Variants in KPNA6 observed in about 807,000 individuals in gnomAD.
KPNA6 encodes importin subunit alpha-7.
A neutral mutation model predicts 72.0 loss-of-function variants in KPNA6; 9 were observed. The ratio of observed to expected loss-of-function variants is 0.13; its 90% CI spans 0.08 to 0.22. KPNA6 has a LOEUF of 0.22. Ranked by LOEUF, KPNA6 falls within the 10% of genes least tolerant of loss-of-function variation. KPNA6 has a pLI of 1.00. For synonymous variants in KPNA6, 219 were observed against 242.1 expected, an observed-to-expected ratio of 0.90 and a Z score of 0.89; for missense variants, 374 against 655.7, an observed-to-expected ratio of 0.57 and a Z score of 4.69.
At chr1:32,116,126 C>A (rs1641323938) in intron 1 of KPNA6, among the ~76,000 whole-genome samples, 1 of 151,674 alleles carries the variant, frequency 6.6e-6, no homozygotes, top group African/African-American at 2.4e-5. Context: ...CTGATTTGAT[C>A]TTCTGTCAAA....
At chr1:32,115,997 G>A (rs1044275788) in intron 1 of KPNA6, among the ~76,000 whole-genome samples, 3 of 152,068 alleles carry the variant, frequency 2.0e-5, no homozygotes, top group Non-Finnish European at 4.4e-5. Context: ...ACCTGCCTCA[G>A]CCTCCCAAAG....
In KPNA6 at chr1:32,162,474, C is replaced by T. The variant is rs1166809250; in HGVS notation, c.861C>T (p.Ile287=). The change falls in exon 9 of 14, where the codon ATC becomes ATT. Residue 287 remains isoleucine (I), a synonymous_variant. Transcript: ENST00000373625. ...SYLSDGPNEK[I]QAVIDSGVCR... The stretch of plus-strand genomic sequence containing the variant: ...TGTCTGATGGCCCCAATGAGAAGAT[C>T]CAGGCAGTCATAGACTCCGGAGTCT... 6.2e-7 allele frequency: 1 copy of T among 1,613,984 alleles called. No individual in the cohort carries two copies. The highest frequency in any genetic ancestry group is 1.3e-5 in the African/African-American group (1 of 74,888).
intron 1 of KPNA6, chr1:32,143,061 A>C: frequency 8.7e-7 from 1 of 1,148,542 alleles, no homozygotes. Flanking sequence ...CTGCCTTCAG[A>C]AATCTGTTGT....
At chr1:32,163,132 G>T in intron 9 of KPNA6, 103 bp from the exon 10 acceptor site, 1 of 714,984 alleles carries the variant, frequency 1.4e-6, no homozygotes, top group Non-Finnish European at 2.5e-6. Flanking sequence ...AAAAAAAAAG[G>T]GTACAGGTTC....
chr1:32,112,587 G>C (rs1163524157), intron 1 of KPNA6, among the ~76,000 whole-genome samples: 1 of 151,986 alleles, frequency 6.6e-6, no homozygotes, highest in Admixed American at 6.6e-5. Context: ...CCGCTTCCTG[G>C]GTTCAAACCA....
intron 1 of KPNA6, among the ~76,000 whole-genome samples, chr1:32,125,697 A>G (rs1320170859): frequency 2.0e-5 from 3 of 152,152 alleles, no homozygotes; most frequent in African/African-American, 7.2e-5. Flanking sequence ...TTTGGGTATG[A>G]TATTGCCCCC....
Position 32,108,127 on chromosome 1 carries a change from C to A in KPNA6, c.-4C>A, listed in dbSNP as rs765467657. 10 of 1,613,918 alleles carry A rather than the reference C, an allele frequency of 6.2e-6. No homozygotes were observed. Among genetic ancestry groups the A allele is most frequent in the Non-Finnish European group, 2.5e-6 (3 of 1,179,968 alleles). On this transcript the variant is annotated 5_prime_UTR_variant, in exon 1 of 14. Coordinates refer to ENST00000373625, the MANE Select transcript of KPNA6 (RefSeq NM_012316.5). ...GCCGCCAAGAGTGAGCGAGCGGACC[C>A]GCGATGGGTGAGTGAGGAAACCACG...
At chr1:32,111,444 C>G (rs537467737) in intron 1 of KPNA6, among the ~76,000 whole-genome samples, 3 of 152,312 alleles carry the variant, frequency 2.0e-5, no homozygotes, top group African/African-American at 7.2e-5. Flanking sequence ...AGGTAACTTC[C>G]TCTTTCCAGC....
At chr1:32,118,370 G>A (rs2124523604) in intron 1 of KPNA6, among the ~76,000 whole-genome samples, 1 of 148,700 alleles carries the variant, frequency 6.7e-6, no homozygotes, top group East Asian at 2.0e-4. Flanking sequence ...ATGGAGTCTC[G>A]CTTTTTCTCC....
chr1:32,143,278 C>A (rs114783941), intron 1 of KPNA6, among the ~76,000 whole-genome samples: 3,806 of 152,108 alleles, frequency 0.025, 101 homozygotes, highest in Admixed American at 0.076. Flanking sequence ...ATTGCTCAGG[C>A]TGCTCTTGAA....
chr1:32,109,605 T>G (rs1641208654), intron 1 of KPNA6, among the ~76,000 whole-genome samples: 2 of 151,950 alleles, frequency 1.3e-5, no homozygotes, highest in South Asian at 4.2e-4. Flanking sequence ...TTATTTTGTT[T>G]TGTTTTGCTT....
rs67312157 is a variant in KPNA6 at position 32,128,387 on chromosome 1, T to TTATATATATATATATATATATATATATA, written c.4+20266_4+20293dup. On this transcript the variant is annotated intron_variant, in intron 1 of 13. Transcript: ENST00000373625. The stretch of plus-strand genomic sequence containing the variant: ...TATATTTTTTATATTATATATGTAT[T>TTATATATATATATATATATATATATATA]TATATATATATATATATATATATAT... 5.5e-5 allele frequency among the ~76,000 whole-genome samples: 4 copies of TTATATATATATATATATATATATATATA among 72,168 alleles called. 1 individual carries two copies. Among genetic ancestry groups the TTATATATATATATATATATATATATATA allele is most frequent in the Non-Finnish European group, 1.1e-4 (4 of 35,954 alleles). 47.3% of individuals were successfully genotyped at this position (72,168 alleles called of 152,430 possible). A position where few individuals can be genotyped will look rare whatever the true frequency, so the allele number is the denominator to read the frequency against.
At chr1:32,154,493 T>G (rs114377587) in intron 1 of KPNA6, 95 bp from the exon 2 acceptor site, 1 of 1,320,852 alleles carries the variant, frequency 7.6e-7, no homozygotes, top group African/African-American at 1.5e-5. Flanking sequence ...CCCCCCAGAG[T>G]AGGGGAGGGT....
chr1:32,165,274 T>G (rs1488973511), intron 10 of KPNA6, among the ~76,000 whole-genome samples: 1 of 152,052 alleles, frequency 6.6e-6, no homozygotes, highest in Non-Finnish European at 1.5e-5. Flanking sequence ...GGCCTTGAAC[T>G]CCTGTGCTGA....
intron 1 of KPNA6, among the ~76,000 whole-genome samples, chr1:32,124,247 C>T (rs957875690): frequency 1.3e-5 from 2 of 151,796 alleles, no homozygotes; most frequent in Admixed American, 6.6e-5. Flanking sequence ...GTGGCATGCA[C>T]CTGCAGTCCC....
At chr1:32,158,205 C>T (rs921152832) in intron 4 of KPNA6, 62 bp from the exon 5 acceptor site, 3 of 1,042,926 alleles carry the variant, frequency 2.9e-6, no homozygotes. Flanking sequence ...GCAAGCTGAC[C>T]CCCATGAAGG....
At position 32,158,319 on chromosome 1, in the gene KPNA6, G is replaced by A. The variant is rs61750963; in HGVS notation, c.384G>A (p.Arg128=). ...EVINTPRVVD[R]FVEFLKRNEN... ...TCAACACTCCAAGAGTGGTGGATCGGTTCGTGGAGTTTCTGAAGAGGAATG... is the reference window on the plus strand; with the variant it reads ...TCAACACTCCAAGAGTGGTGGATCGATTCGTGGAGTTTCTGAAGAGGAATG... Residue 128 remains arginine (R), a synonymous_variant, in exon 5 of 14, where the codon CGG becomes CGA. Coordinates refer to ENST00000373625, the MANE Select transcript of KPNA6 (RefSeq NM_012316.5). The A allele has an allele frequency of 3.8e-4, 619 of 1,613,552 alleles. No individual in the cohort carries two copies. The highest frequency in any genetic ancestry group is 6.2e-4 in the Admixed American group (37 of 59,998).
At chr1:32,115,044 T>C (rs1412363742) in intron 1 of KPNA6, among the ~76,000 whole-genome samples, 1 of 152,134 alleles carries the variant, frequency 6.6e-6, no homozygotes, top group East Asian at 1.9e-4. Context: ...TTCGCCGTGT[T>C]GGCCAGGCTG....
chr1:32,154,792 C>T, intron 2 of KPNA6, 71 bp downstream of exon 2: 4 of 1,518,680 alleles, frequency 2.6e-6, no homozygotes, highest in African/African-American at 2.7e-5. Context: ...CTCCACCATG[C>T]ACCCTGACTT....
Sources: allele counts gnomAD v4.1 joint callset (sites outside exome capture counted in the v4.1 genomes callset), GRCh38; gene constraint gnomAD v4.1.1; transcripts MANE v1.5; gene names NCBI Gene and HGNC (gene_info 2026-07-23, HGNC 2026-07-21).